BTN2A1: variants seen among roughly 807,000 people sequenced by gnomAD.
BTN2A1 encodes the protein butyrophilin subfamily 2 member A1, also known as butyrophilin, subfamily 2, member A1.
BTN2A1 carries 41 observed loss-of-function variants against 34.5 expected under a neutral mutation model. The ratio of observed to expected loss-of-function variants is 1.19; its 90% CI spans 0.93 to 1.54. BTN2A1 has a LOEUF of 1.54. Ranked by LOEUF, BTN2A1 falls within the 40% of genes most tolerant of loss-of-function variation. The pLI, the probability that BTN2A1 is intolerant of heterozygous loss-of-function variation, is 0.00. For missense variants in BTN2A1, 642 were observed against 662.0 expected, an observed-to-expected ratio of 0.97 and a Z score of 0.33; for synonymous variants, 267 against 258.6, an observed-to-expected ratio of 1.03 and a Z score of -0.31.
Position 26,468,592 on chromosome 6 carries a change from C to T in BTN2A1, c.*43C>T. ...CACAGCCATGTAGACAAGCCCTGGT[C>T]ATCTCAGCAGCCACCGCACAACACC... On this transcript the variant is annotated 3_prime_UTR_variant, in exon 8 of 8. Transcript: ENST00000312541. 1 of 1,614,104 alleles carries T rather than the reference C, an allele frequency of 6.2e-7. No individual in the cohort carries two copies. The highest frequency in any genetic ancestry group is 8.5e-7 in the Non-Finnish European group (1 of 1,180,034).
At position 26,468,374 on chromosome 6, in the gene BTN2A1, C is replaced by T. The variant is rs546770853; in HGVS notation, c.1409C>T (p.Ser470Leu). The T allele has an allele frequency of 4.0e-5, 64 of 1,614,030 alleles. No homozygotes were observed. The highest frequency in any genetic ancestry group is 1.3e-4 in the East Asian group (6 of 44,876). The stretch of plus-strand genomic sequence containing the variant: ...TCCTTCTACAACATGAGGGACAGAT[C>T]GCACATCTACACATGTCCCCGTTCA... The part of the protein sequence containing the change: ...DVSFYNMRDR[S>L]HIYTCPRSAF... Residue 470 changes from serine to leucine, a missense_variant, in exon 8 of 8, where the codon TCG becomes TTG. Ser to Leu is a moderately radical substitution (Grantham distance 145, BLOSUM62 -2). Transcript: ENST00000312541.
At chr6:26,463,553 C>T (rs750861051) in intron 4 of BTN2A1, 28 bp downstream of exon 4, 24 of 1,599,698 alleles carry the variant, frequency 1.5e-5, no homozygotes, top group African/African-American at 4.0e-5. Flanking sequence ...TGAGACTCGT[C>T]GAGTGCATGG....
chr6:26,465,172 GCTGC>G lies in BTN2A1; in HGVS notation c.713-10_713-7del. ...GTTTCAAACTAAGTGGATATTTCTG[GCTGC>G]CTTTTCAGAATCCTTTATGCCCAGT... is the stretch of plus-strand genomic sequence containing the variant. On this transcript the variant is annotated splice_polypyrimidine_tract_variant and intron_variant, in intron 4 of 7. Coordinates refer to ENST00000312541, the MANE Select transcript of BTN2A1 (RefSeq NM_007049.5). 1 of 1,609,278 alleles carries G rather than the reference GCTGC, an allele frequency of 6.2e-7. No individual in the cohort carries two copies. The highest frequency in any genetic ancestry group is 2.2e-5 in the East Asian group (1 of 44,858).
rs1475173439 is a variant in BTN2A1 at position 26,469,502 on chromosome 6, A to T, written c.*953A>T. ...TACCTTTACAACATTTATTTACATT[A>T]CATACATACATTTACAACATTTATT... On this transcript the variant is annotated 3_prime_UTR_variant, in exon 8 of 8. Coordinates refer to ENST00000312541, the MANE Select transcript of BTN2A1 (RefSeq NM_007049.5). 1 of 212,524 alleles carries T rather than the reference A, an allele frequency of 4.7e-6. No individual in the cohort carries two copies. Among genetic ancestry groups the T allele is most frequent in the Non-Finnish European group, 8.1e-6 (1 of 123,454 alleles). The allele number at this position is 212,524 out of a possible 1,614,324, so 13.2% of individuals were successfully genotyped here. A position where few individuals can be genotyped will look rare whatever the true frequency, so the allele number is the denominator to read the frequency against.
chr6:26,465,349 G>C lies in BTN2A1; in HGVS notation c.877G>C (p.Ala293Pro). The C allele has an allele frequency of 6.2e-7, 1 of 1,614,118 alleles. No individual in the cohort carries two copies. Among genetic ancestry groups the C allele is most frequent in the Non-Finnish European group, 8.5e-7 (1 of 1,180,016 alleles). The change falls in exon 5 of 8, where the codon GCT becomes CCT. Residue 293 changes from alanine to proline, a missense_variant. Ala to Pro is a conservative substitution (Grantham distance 27, BLOSUM62 -1). Coordinates refer to ENST00000312541, the MANE Select transcript of BTN2A1 (RefSeq NM_007049.5). The part of the protein sequence containing the change: ...KEFERETREI[A>P]LKELEKERVQ... ...GTTTGAACGGGAAACAAGAGAAATT[G>C]CTCTAAAGGAACTGGAGAAAGAACG...
In BTN2A1 at chr6:26,468,116, G is replaced by A. The variant is rs1763368782; in HGVS notation, c.1151G>A (p.Gly384Glu). 6.2e-7 allele frequency: 1 copy of A among 1,614,086 alleles called. No individual in the cohort carries two copies. The highest frequency in any genetic ancestry group is 8.5e-7 in the Non-Finnish European group (1 of 1,180,048). ...CTAGGCCGGGAGAGCTTCGCTTCAG[G>A]GAAACATTACTGGGAGGTGGAGGTG... is the stretch of plus-strand genomic sequence containing the variant. ...CVLGRESFAS[G>E]KHYWEVEVEN... The change falls in exon 8 of 8, where the codon GGG becomes GAG. Residue 384 changes from glycine to glutamate, a missense_variant. By Grantham distance (98) the Gly-to-Glu change is moderately conservative. Coordinates refer to ENST00000312541, the MANE Select transcript of BTN2A1 (RefSeq NM_007049.5).
At position 26,468,570 on chromosome 6, in the gene BTN2A1, A is replaced by G. The variant is rs756114623; in HGVS notation, c.*21A>G. 4 of 1,614,170 alleles carry G rather than the reference A, an allele frequency of 2.5e-6. No homozygotes were observed. The highest frequency in any genetic ancestry group is 2.5e-6 in the Non-Finnish European group (3 of 1,180,034). On this transcript the variant is annotated 3_prime_UTR_variant, in exon 8 of 8. Coordinates refer to ENST00000312541, the MANE Select transcript of BTN2A1 (RefSeq NM_007049.5). ...TATAGAATCAATTCCTTGGTCTCAC[A>G]GCCATGTAGACAAGCCCTGGTCATC... is the stretch of plus-strand genomic sequence containing the variant.
At chr6:26,463,705 A>G (rs536889410) in intron 4 of BTN2A1, among the ~76,000 whole-genome samples, 180 bp downstream of exon 4, 17 of 152,108 alleles carry the variant, frequency 1.1e-4, no homozygotes, top group South Asian at 6.2e-4. Context: ...AAAGTGTCCC[A>G]AAACTCAGGA....
At chr6:26,472,774 G>A (rs1763473809), downstream of BTN2A1, among the ~76,000 whole-genome samples, 1 of 152,126 alleles carries the variant, frequency 6.6e-6, no homozygotes, top group African/African-American at 2.4e-5. Context: ...TGAAGGGTGA[G>A]GAGGGCTGAG....
chr6:26,467,038 A>G (rs1488995504), intron 7 of BTN2A1, among the ~76,000 whole-genome samples: 1 of 152,196 alleles, frequency 6.6e-6, no homozygotes, highest in Non-Finnish European at 1.5e-5. Context: ...CCCTCAGGCA[A>G]CAGGTTTTCT....
intron 7 of BTN2A1, among the ~76,000 whole-genome samples, chr6:26,467,306 TG>T (rs1190937295): frequency 6.6e-6 from 1 of 152,054 alleles, no homozygotes; most frequent in Non-Finnish European, 1.5e-5. Context: ...GGTCTTCATT[TG>T]GGGTTTTGTT....
At chr6:26,473,199 A>G (rs1447865831), downstream of BTN2A1, among the ~76,000 whole-genome samples, 1 of 152,108 alleles carries the variant, frequency 6.6e-6, no homozygotes, top group East Asian at 1.9e-4. Flanking sequence ...TAGGCATCTG[A>G]CTGCCTCCTG....
Position 26,469,258 on chromosome 6 carries a change from G to A in BTN2A1, c.*709G>A, listed in dbSNP as rs1763407335. ...CAGTACTCAGTCCCTGAGTGTGGCTGAAATTTGAGGTCCTGGCTGAGCCAA... is the reference window on the plus strand; with the variant it reads ...CAGTACTCAGTCCCTGAGTGTGGCTAAAATTTGAGGTCCTGGCTGAGCCAA... On this transcript the variant is annotated 3_prime_UTR_variant, in exon 8 of 8. Coordinates refer to ENST00000312541, the MANE Select transcript of BTN2A1 (RefSeq NM_007049.5). 2 of 997,580 alleles carry A rather than the reference G, an allele frequency of 2.0e-6. No homozygotes were observed. The highest frequency in any genetic ancestry group is 1.1e-4 in the Admixed American group (2 of 18,694). The allele number at this position is 997,580 out of a possible 1,614,324, so 61.8% of individuals were successfully genotyped here. A position where few individuals can be genotyped will look rare whatever the true frequency, so the allele number is the denominator to read the frequency against.
At chr6:26,470,892 G>A (rs376563493), downstream of BTN2A1, among the ~76,000 whole-genome samples, 12 of 152,260 alleles carry the variant, frequency 7.9e-5, no homozygotes, top group East Asian at 9.6e-4. Context: ...CAGATGGCCC[G>A]TCATGGGATT....
exon 8 of BTN2A1, chr6:26,476,459 GTC>G: frequency 6.8e-5 from 42 of 621,316 alleles, no homozygotes; most frequent in East Asian, 1.4e-4. Context: ...TTTCAGATAG[GTC>G]TCTCTCTCTG....
intron 1 of BTN2A1, 87 bp downstream of exon 1, chr6:26,458,229 C>T (rs3857551): frequency 3.4e-5 from 7 of 207,830 alleles, no homozygotes; most frequent in Non-Finnish European, 6.9e-5. Flanking sequence ...GAGACGGGGT[C>T]CTGGGACAGG....
At chr6:26,476,276 G>T (rs911097119) in exon 8 of BTN2A1, 3 of 1,152,000 alleles carry the variant, frequency 2.6e-6, no homozygotes, top group Admixed American at 4.0e-5. Flanking sequence ...ACTGCTGAGC[G>T]GGTCTGTAGA....
intron 4 of BTN2A1, 29 bp from the exon 5 acceptor site, chr6:26,465,156 T>G (rs12202419): frequency 0.089 from 141,837 of 1,593,596 alleles, 8,018 homozygotes; most frequent in Non-Finnish European, 0.1. Context: ...TGTTTCAAAC[T>G]AAGTGGATAT....
At chr6:26,472,210 A>G (rs186845773), downstream of BTN2A1, among the ~76,000 whole-genome samples, 2 of 152,326 alleles carry the variant, frequency 1.3e-5, no homozygotes, top group Admixed American at 1.3e-4. Context: ...AAGAGGAAGT[A>G]GAAAGTAAGG....
Sources: allele counts gnomAD v4.1 joint callset (sites outside exome capture counted in the v4.1 genomes callset), GRCh38; gene constraint gnomAD v4.1.1; transcripts MANE v1.5; gene names NCBI Gene and HGNC (gene_info 2026-07-23, HGNC 2026-07-21).